The following PDLIM7 variants were observed in gnomAD, a reference collection of about 807,000 sequenced individuals.
PDLIM7 encodes PDZ and LIM domain 7.
PDLIM7 carries 37 observed loss-of-function variants against 53.9 expected under a neutral mutation model. That is an observed-to-expected ratio of 0.69 (90% CI 0.53 to 0.90). PDLIM7 has a LOEUF of 0.90. PDLIM7 is among the 40% of genes least tolerant of loss of function. PDLIM7 has a pLI of 0.00. For synonymous variants in PDLIM7, 300 were observed against 261.3 expected, an observed-to-expected ratio of 1.15 and a Z score of -1.43; for missense variants, 617 against 638.5, an observed-to-expected ratio of 0.97 and a Z score of 0.36.
chr5:177,488,209 C>A lies in PDLIM7; in HGVS notation c.909G>T (p.Pro303=). 1.2e-6 allele frequency: 2 copies of A among 1,611,936 alleles called. No homozygotes were observed. The highest frequency in any genetic ancestry group is 1.3e-5 in the African/African-American group (1 of 74,976). The part of the protein sequence containing the change: ...YLVALGHAYH[P]EEFVCSQCGK... ...CACACTGGCTACACACAAACTCCTC[C>A]GGGTGGTACGCGTGGCCCAGCGCCA... Residue 303 remains proline, a synonymous_variant, in exon 10 of 13, where the codon CCG becomes CCT. Coordinates refer to ENST00000355841, the MANE Select transcript of PDLIM7 (RefSeq NM_005451.5).
rs559731367 is a variant in PDLIM7 at position 177,494,663 on chromosome 5, G to A, written c.96+1754C>T. ...TGGGGAGGGCAGCAGGAGAGCAGAA[G>A]ACAGCGCTGGGCGGGTGGCTGGAGA... On this transcript the variant is annotated intron_variant, in intron 2 of 12. Coordinates refer to ENST00000355841, the MANE Select transcript of PDLIM7 (RefSeq NM_005451.5). Among the ~76,000 whole-genome samples the A allele has an allele frequency of 2.9e-3, 440 of 152,250 alleles. 1 individual carries two copies. Among genetic ancestry groups the A allele is most frequent in the African/African-American group, 9.8e-3 (409 of 41,536 alleles).
At chr5:177,490,341 C>T in intron 7 of PDLIM7, 1 of 1,451,904 alleles carries the variant, frequency 6.9e-7, no homozygotes, top group Non-Finnish European at 9.0e-7. Context: ...CAGATGAACC[C>T]AGGTGGGCGG....
At chr5:177,490,389 C>T (rs1758686779) in intron 7 of PDLIM7, 11 of 1,480,632 alleles carry the variant, frequency 7.4e-6, no homozygotes, top group Non-Finnish European at 8.0e-6. Context: ...GCCAGGGGCA[C>T]GAAAGGGGGG....
At position 177,492,481 on chromosome 5, in the gene PDLIM7, C is replaced by A. The variant is rs768381005; in HGVS notation, c.248+45G>T. On this transcript the variant is annotated intron_variant, in intron 3 of 12. Transcript: ENST00000355841. ...GACAGCGGGCCGGGCCCGCAGGGAT[C>A]CCCACTGCCAGCGCGGGCGCACCCA... The A allele has an allele frequency of 8.7e-6, 14 of 1,613,584 alleles. 1 individual carries two copies. The South Asian group carries it at 1.4e-4, about 16-fold the overall frequency.
At chr5:177,496,732 C>A (rs1278088899) in intron 1 of PDLIM7, 4 of 391,644 alleles carry the variant, frequency 1.0e-5, no homozygotes, top group Non-Finnish European at 9.2e-6. Flanking sequence ...GAGCAGCCCC[C>A]CTCCCCTTGG....
chr5:177,492,948 C>G lies in PDLIM7; in HGVS notation c.97-271G>C, dbSNP rs745543559. The G allele has an allele frequency of 1.1e-5, 5 of 475,316 alleles. No homozygotes were observed. In the Admixed American group the frequency reaches 1.1e-4, roughly 10 times the overall value. 29.4% of individuals were successfully genotyped at this position (475,316 alleles called of 1,614,324 possible). On this transcript the variant is annotated intron_variant, in intron 2 of 12. Coordinates refer to ENST00000355841, the MANE Select transcript of PDLIM7 (RefSeq NM_005451.5). Reference sequence around the variant, plus strand: ...GTGCTCACCTGAGCTTCCCCAGTCACGATGCTTATCTATTCACCGCCACCA... The same window carrying G: ...GTGCTCACCTGAGCTTCCCCAGTCAGGATGCTTATCTATTCACCGCCACCA...
At chr5:177,490,329 G>A (rs767730283) in intron 7 of PDLIM7, 2 of 1,447,612 alleles carry the variant, frequency 1.4e-6, no homozygotes, top group Non-Finnish European at 1.8e-6. Flanking sequence ...GGAAGGCAGT[G>A]TCAGATGAAC....
rs1359588392 is a variant in PDLIM7, at chr5:177,483,601, C to T, written c.*43G>A. On this transcript the variant is annotated 3_prime_UTR_variant, in exon 13 of 13. Coordinates refer to ENST00000355841, the MANE Select transcript of PDLIM7 (RefSeq NM_005451.5). ...AAATGCAGGGCCACGACTCCAGGCC[C>T]CTCAGGCTAGGGGCCACCGCGGCAG... 6.9e-7 allele frequency: 1 copy of T among 1,445,022 alleles called. No homozygotes were observed. Among genetic ancestry groups the T allele is most frequent in the South Asian group, 1.2e-5 (1 of 86,352 alleles). The allele number at this position is 1,445,022 out of a possible 1,614,324, so 89.5% of individuals were successfully genotyped here. A position where few individuals can be genotyped will look rare whatever the true frequency, so the allele number is the denominator to read the frequency against.
rs60583245 is a variant in PDLIM7 at position 177,486,931 on chromosome 5, C to CTTTTTTTTTTTTTT, written c.1050+1123_1050+1136dup. Among the ~76,000 whole-genome samples, 2 of 48,730 alleles carry CTTTTTTTTTTTTTT rather than the reference C, an allele frequency of 4.1e-5. 1 individual carries two copies. The highest frequency in any genetic ancestry group is 1.4e-4 in the African/African-American group (2 of 14,622). The allele number at this position is 48,730 out of a possible 152,430, so 32.0% of individuals were successfully genotyped here. A position where few individuals can be genotyped will look rare whatever the true frequency, so the allele number is the denominator to read the frequency against. On this transcript the variant is annotated intron_variant, in intron 10 of 12. Coordinates refer to ENST00000355841, the MANE Select transcript of PDLIM7 (RefSeq NM_005451.5). ...CAGGTGTGAGCCACCGTGCCTGGCC[C>CTTTTTTTTTTTTTT]TTTTTTTTTTTTTTTTTTTTTTTTT...
rs1449441326 is a variant in PDLIM7, at chr5:177,488,195, C to T, written c.923G>A (p.Cys308Tyr). 4 of 1,613,216 alleles carry T rather than the reference C, an allele frequency of 2.5e-6. No homozygotes were observed. The highest frequency in any genetic ancestry group is 1.7e-4 in the Middle Eastern group (1 of 6,060). Residue 308 changes from cysteine to tyrosine, a missense_variant, in exon 10 of 13, where the codon TGT becomes TAT. Cys to Tyr is a radical substitution (Grantham distance 194). Coordinates refer to ENST00000355841, the MANE Select transcript of PDLIM7 (RefSeq NM_005451.5). Reference sequence around the variant, plus strand: ...TTCCAGGACCTTCCCACACTGGCTACACACAAACTCCTCCGGGTGGTACGC... The same window carrying T: ...TTCCAGGACCTTCCCACACTGGCTATACACAAACTCCTCCGGGTGGTACGC... ...GHAYHPEEFV[C>Y]SQCGKVLEEG...
chr5:177,489,074 G>A (rs1019994223), intron 9 of PDLIM7, among the ~76,000 whole-genome samples: 1 of 152,202 alleles, frequency 6.6e-6, no homozygotes, highest in African/African-American at 2.4e-5. Flanking sequence ...GAGAGCAGGA[G>A]GGAGGGGCAG....
Position 177,488,266 on chromosome 5 carries a change from C to T in PDLIM7, c.870-18G>A, listed in dbSNP as rs758692421. The stretch of plus-strand genomic sequence containing the variant: ...AGCGGCCCCTGCAGGGAGGCGAGAG[C>T]GGTCAGAGGGAGCACACGCAGAGAG... On this transcript the variant is annotated intron_variant, in intron 9 of 12. Transcript: ENST00000355841. 20 of 1,580,694 alleles carry T rather than the reference C, an allele frequency of 1.3e-5. No homozygotes were observed. The highest frequency in any genetic ancestry group is 5.7e-5 in the South Asian group (5 of 87,372).
Position 177,496,483 on chromosome 5 carries a change from C to A in PDLIM7, c.30G>T (p.Gly10=), listed in dbSNP as rs1759077777. The part of the protein sequence containing the change: MDSFKVVLE[G]PAPWGFRLQG... ...GCAGCCGGAAGCCCCAAGGTGCTGG[C>A]CCCTCCAGCACTACTTTGAAGGAAT... The change falls in exon 2 of 13, where the codon GGG becomes GGT. Residue 10 remains glycine (G), a synonymous_variant. Transcript: ENST00000355841. 1.2e-6 allele frequency: 2 copies of A among 1,603,080 alleles called. No individual in the cohort carries two copies. The highest frequency in any genetic ancestry group is 1.7e-6 in the Non-Finnish European group (2 of 1,174,640).
In PDLIM7 at chr5:177,489,504, G is replaced by A. The variant is rs569109447; in HGVS notation, c.758C>T (p.Thr253Met). 8.7e-6 allele frequency: 14 copies of A among 1,609,026 alleles called. No individual in the cohort carries two copies. The highest frequency in any genetic ancestry group is 4.5e-5 in the East Asian group (2 of 44,740). ...AATGGAGGTGCGGCTCTGCAGCGGC[G>A]TGGGCGTGGCCGGCTGGCTGTGCCG... is the stretch of plus-strand genomic sequence containing the variant. ...LTRHSQPATP[T>M]PLQSRTSIVQ... Residue 253 changes from threonine to methionine, a missense_variant, in exon 9 of 13, where the codon ACG becomes ATG. Thr to Met is a moderately conservative substitution (Grantham distance 81). Coordinates refer to ENST00000355841, the MANE Select transcript of PDLIM7 (RefSeq NM_005451.5).
intron 10 of PDLIM7, among the ~76,000 whole-genome samples, chr5:177,485,696 A>G (rs566004851): frequency 9.9e-5 from 15 of 152,212 alleles, no homozygotes; most frequent in Non-Finnish European, 1.8e-4. Context: ...GGTGTTAAAG[A>G]GAAATCTGCT....
Position 177,491,993 on chromosome 5 carries a change from C to T in PDLIM7, c.280-68G>A, listed in dbSNP as rs773942694. ...GGTGGGGGCCTGGGTGGAAGTGGGGCGCCTGCAGCAGAGGACAGCGGCAGC... is the reference window on the plus strand; with the variant it reads ...GGTGGGGGCCTGGGTGGAAGTGGGGTGCCTGCAGCAGAGGACAGCGGCAGC... On this transcript the variant is annotated intron_variant, in intron 4 of 12. Transcript: ENST00000355841. The T allele has an allele frequency of 5.4e-4, 390 of 719,074 alleles. 1 individual carries two copies. Among genetic ancestry groups the T allele is most frequent in the Admixed American group, 3.3e-3 (86 of 26,040 alleles). 44.5% of individuals were successfully genotyped at this position (719,074 alleles called of 1,614,324 possible).
chr5:177,497,271 A>G (rs1759139178), intron 1 of PDLIM7, among the ~76,000 whole-genome samples: 1 of 151,662 alleles, frequency 6.6e-6, no homozygotes, highest in Admixed American at 6.5e-5. Context: ...CACCGACGTG[A>G]CTCAGTTTCC....
At position 177,491,050 on chromosome 5, in the gene PDLIM7, A is replaced by G. The variant is rs147933095; in HGVS notation, c.495T>C (p.Arg165=). 8.3e-5 allele frequency: 134 copies of G among 1,612,170 alleles called. No individual in the cohort carries two copies. Among genetic ancestry groups the G allele is most frequent in the Non-Finnish European group, 1.1e-4 (132 of 1,179,360 alleles). Residue 165 remains arginine (R), a synonymous_variant, in exon 6 of 13, where the codon CGT becomes CGC. Transcript: ENST00000355841. ...WRPRPGTGQS[R]SFRILAHLTG... ...TGAGGTGGGCAAGGATGCGGAAGGA[A>G]CGCGACTGGCCTGTCCCCGGCCGCG...
rs780895527 is a variant in PDLIM7, at chr5:177,492,520, G to A, written c.248+6C>T. The A allele has an allele frequency of 9.9e-6, 16 of 1,613,498 alleles. No homozygotes were observed. The highest frequency in any genetic ancestry group is 3.3e-5 in the South Asian group (3 of 91,066). ...CGGGCGCACCCATCCATGTCCACCC[G>A]CATACCTGCTGAGGCCCAGGCTGAG... On this transcript the variant is annotated splice_donor_region_variant and intron_variant, in intron 3 of 12. Transcript: ENST00000355841.
Sources: allele counts gnomAD v4.1 joint callset (sites outside exome capture counted in the v4.1 genomes callset), GRCh38; gene constraint gnomAD v4.1.1; transcripts MANE v1.5; gene names NCBI Gene and HGNC (gene_info 2026-07-23, HGNC 2026-07-21).